The following PTPRK variants were observed in gnomAD, a reference collection of about 807,000 sequenced individuals.
The protein encoded by PTPRK is protein tyrosine phosphatase receptor type K, also known as receptor-type tyrosine-protein phosphatase kappa.
Under a neutral mutation model 178.0 loss-of-function variants are expected in PTPRK, and 75 were observed. That is an observed-to-expected ratio of 0.42 (90% CI 0.35 to 0.51). PTPRK has a LOEUF of 0.51. PTPRK is among the 20% of genes least tolerant of loss of function. PTPRK has a pLI of 0.02. For missense variants in PTPRK, 1,441 were observed against 1,797.8 expected (o/e 0.80, Z 3.59); for synonymous variants, 637 against 620.6 (o/e 1.03, Z -0.39).
At chr6:128,364,173 C>T (rs770112610) in intron 2 of PTPRK, among the ~76,000 whole-genome samples, 1 of 152,010 alleles carries the variant, frequency 6.6e-6, no homozygotes, top group African/African-American at 2.4e-5. Context: ...AATTACCCAA[C>T]ATGAAAACTT....
intron 1 of PTPRK, among the ~76,000 whole-genome samples, chr6:128,486,008 C>T (rs977307151): frequency 6.6e-6 from 1 of 152,138 alleles, no homozygotes; most frequent in Non-Finnish European, 1.5e-5. Context: ...TAAGTAGTGA[C>T]TGGCAGAGTT....
intron 6 of PTPRK, among the ~76,000 whole-genome samples, chr6:128,193,206 T>G (rs368263399): frequency 5.1e-5 from 7 of 137,292 alleles, no homozygotes; most frequent in African/African-American, 1.9e-4. Context: ...AAGAGTTAGT[T>G]GACTGGAACA....
At position 128,396,211 on chromosome 6, in the gene PTPRK, T is replaced by C. The variant is rs907840374; in HGVS notation, c.223+1355A>G. On this transcript the variant is annotated intron_variant, in intron 2 of 29. Coordinates refer to ENST00000368226, the MANE Select transcript of PTPRK (RefSeq NM_002844.4). ...ACTCAAGAAGGACTTACTCTTTTTGTAGAAAAATTAATTCTAAACCATTTT... is the reference window on the plus strand; with the variant it reads ...ACTCAAGAAGGACTTACTCTTTTTGCAGAAAAATTAATTCTAAACCATTTT... Among the ~76,000 whole-genome samples, 13 of 151,460 alleles carry C rather than the reference T, an allele frequency of 8.6e-5. 1 individual carries two copies. Among genetic ancestry groups the C allele is most frequent in the Admixed American group, 7.2e-4 (11 of 15,218 alleles).
At position 128,067,560 on chromosome 6, in the gene PTPRK, C is replaced by T. The variant is rs1243228293; in HGVS notation, c.2116G>A (p.Gly706Arg). 1.9e-6 allele frequency: 3 copies of T among 1,607,836 alleles called. No individual in the cohort carries two copies. In the African/African-American group the frequency reaches 4.0e-5, roughly 21 times the overall value. The change falls in exon 12 of 30, where the codon GGA becomes AGA. Residue 706 changes from glycine to arginine, a missense_variant. This residue lies in a region of PTPRK where 945 missense variants were observed against 1,080.6 expected (regional missense o/e 0.87). Transcript: ENST00000368226. ...FWNPPLAPRK[G>R]YNIYFQAMSS... The stretch of plus-strand genomic sequence containing the variant: ...ATCGCCTGGAAATAGATGTTGTATC[C>T]TTTGCGCGGAGCCAAAGGAGGGTTC...
At chr6:128,275,253 C>G (rs1369856115) in intron 3 of PTPRK, among the ~76,000 whole-genome samples, 2 of 152,068 alleles carry the variant, frequency 1.3e-5, no homozygotes, top group African/African-American at 4.8e-5. Flanking sequence ...AGGATTCTGA[C>G]TCAAGCTCTT....
At chr6:128,089,666 T>G (rs1786583846) in intron 8 of PTPRK, 24 bp downstream of exon 8, 1 of 1,574,330 alleles carries the variant, frequency 6.4e-7, no homozygotes, top group Admixed American at 1.7e-5. Context: ...TTCCCCCCTT[T>G]TAAACAGCAA....
rs114088469 is a variant in PTPRK at position 128,133,899 on chromosome 6, T to G, written c.1163-43907A>C. 3.9e-3 allele frequency among the ~76,000 whole-genome samples: 600 copies of G among 152,132 alleles called. 5 individuals carry two copies. The highest frequency in any genetic ancestry group is 0.014 in the African/African-American group (582 of 41,512). ...AGAAATACACTGATGTTGTGGGCCC[T>G]CACATATTTATGGCAACTCCTTATC... On this transcript the variant is annotated intron_variant, in intron 7 of 29. Transcript: ENST00000368226.
intron 3 of PTPRK, among the ~76,000 whole-genome samples, chr6:128,299,202 T>C (rs1409144664): frequency 6.6e-6 from 1 of 152,006 alleles, no homozygotes; most frequent in African/African-American, 2.4e-5. Flanking sequence ...TACAAACCAC[T>C]GCTCAAGGAA....
intron 2 of PTPRK, among the ~76,000 whole-genome samples, chr6:128,327,027 CT>C (rs1265195186): frequency 6.6e-6 from 1 of 151,646 alleles, no homozygotes; most frequent in Admixed American, 6.6e-5. Flanking sequence ...AAATTGAGTA[CT>C]TCTTATTCCA....
intron 2 of PTPRK, 57 bp from the exon 3 acceptor site, chr6:128,322,367 T>C: frequency 1.4e-6 from 2 of 1,453,822 alleles, no homozygotes; most frequent in Non-Finnish European, 1.9e-6. Flanking sequence ...AGGGAACATA[T>C]AACAATAAAA....
At chr6:128,445,985 A>T (rs1477892874) in intron 1 of PTPRK, among the ~76,000 whole-genome samples, 1 of 152,180 alleles carries the variant, frequency 6.6e-6, no homozygotes, top group African/African-American at 2.4e-5. Flanking sequence ...CTTCAATTAG[A>T]ATCCTACACT....
intron 6 of PTPRK, among the ~76,000 whole-genome samples, chr6:128,203,548 GCTT>G (rs1806349395): frequency 6.6e-6 from 1 of 152,144 alleles, no homozygotes; most frequent in Admixed American, 6.6e-5. Context: ...CAGCCTAAAA[GCTT>G]CTTAAGCTGA....
intron 1 of PTPRK, chr6:128,409,283 A>T: frequency 2.2e-6 from 1 of 452,596 alleles, no homozygotes; most frequent in Non-Finnish European, 4.4e-6. Context: ...ACATCTAATT[A>T]CATAACTTAC....
chr6:128,255,474 G>C (rs1817132051), intron 3 of PTPRK, among the ~76,000 whole-genome samples: 1 of 152,142 alleles, frequency 6.6e-6, no homozygotes. Context: ...GTATAGAATA[G>C]AAACTAACAT....
At chr6:128,097,574 G>A (rs139730946) in intron 7 of PTPRK, among the ~76,000 whole-genome samples, 2 of 151,972 alleles carry the variant, frequency 1.3e-5, no homozygotes, top group African/African-American at 2.4e-5. Flanking sequence ...CCAAAATGAC[G>A]GTGACTGAAA....
intron 2 of PTPRK, among the ~76,000 whole-genome samples, chr6:128,367,086 C>A (rs1354658137): frequency 6.6e-6 from 1 of 152,122 alleles, no homozygotes; most frequent in African/African-American, 2.4e-5. Context: ...CTCTATGTGC[C>A]ACCTTCTTTA....
At chr6:128,470,526 T>C (rs1850484408) in intron 1 of PTPRK, among the ~76,000 whole-genome samples, 1 of 152,098 alleles carries the variant, frequency 6.6e-6, no homozygotes, top group Non-Finnish European at 1.5e-5. Flanking sequence ...ACTATAGCAC[T>C]ACCATCATCT....
chr6:128,390,279 T>C (rs2128363395), intron 2 of PTPRK, among the ~76,000 whole-genome samples: 1 of 152,284 alleles, frequency 6.6e-6, no homozygotes, highest in Non-Finnish European at 1.5e-5. Context: ...AAGGTTTGCT[T>C]AAACAGACAC....
At chr6:128,419,668 A>T (rs1302004121) in intron 1 of PTPRK, among the ~76,000 whole-genome samples, 1 of 152,144 alleles carries the variant, frequency 6.6e-6, no homozygotes, top group Admixed American at 6.5e-5. Context: ...ATTCAATAGG[A>T]AACCAATCTG....
Sources: allele counts gnomAD v4.1 joint callset (sites outside exome capture counted in the v4.1 genomes callset), GRCh38; gene constraint gnomAD v4.1.1; regional missense constraint gnomAD v4.1.1; transcripts MANE v1.5; gene names NCBI Gene and HGNC (gene_info 2026-07-23, HGNC 2026-07-21).